NECAB1: variants seen among roughly 807,000 people sequenced by gnomAD.
The protein encoded by NECAB1 is N-terminal EF-hand calcium-binding protein 1.
NECAB1 carries 29 observed loss-of-function variants against 57.5 expected under a neutral mutation model. The ratio of observed to expected loss-of-function variants is 0.50; its 90% CI spans 0.38 to 0.69. The LOEUF is 0.69. NECAB1 is among the 30% of genes least tolerant of loss of function. NECAB1 has a pLI of 0.00. For synonymous variants in NECAB1, 142 were observed against 147.7 expected, an observed-to-expected ratio of 0.96 and a Z score of 0.28; for missense variants, 372 against 413.8, an observed-to-expected ratio of 0.90 and a Z score of 0.88.
intron 3 of NECAB1, among the ~76,000 whole-genome samples, chr8:90,851,470 A>G (rs557041056): frequency 1.3e-5 from 2 of 152,318 alleles, no homozygotes; most frequent in South Asian, 4.1e-4. Flanking sequence ...ATTAAGGATC[A>G]TAATTGAATT....
At chr8:90,821,153 G>A (rs1812138340) in intron 2 of NECAB1, among the ~76,000 whole-genome samples, 1 of 151,746 alleles carries the variant, frequency 6.6e-6, no homozygotes, top group Non-Finnish European at 1.5e-5. Context: ...CTAGACCCCT[G>A]TGATTCTACT....
At position 90,839,780 on chromosome 8, in the gene NECAB1, A is replaced by T. The variant is rs548787911; in HGVS notation, c.233+14955A>T. Among the ~76,000 whole-genome samples the T allele has an allele frequency of 3.3e-5, 5 of 152,346 alleles. No individual in the cohort carries two copies. In the South Asian group the frequency reaches 1.0e-3, roughly 32 times the overall value. ...GCTAGAAAAGCCAAGAGGGGACCTA[A>T]CTGTAAAAGGCTTGAGAATCAGTGG... On this transcript the variant is annotated intron_variant, in intron 3 of 12. Transcript: ENST00000417640.
At chr8:90,920,114 C>T (rs527581235) in intron 6 of NECAB1, among the ~76,000 whole-genome samples, 1 of 152,298 alleles carries the variant, frequency 6.6e-6, no homozygotes, top group African/African-American at 2.4e-5. Context: ...GGATTTCTCA[C>T]TCAAAAACAG....
chr8:90,900,528 C>T (rs531050367), intron 5 of NECAB1, among the ~76,000 whole-genome samples: 1 of 152,234 alleles, frequency 6.6e-6, no homozygotes, highest in East Asian at 1.9e-4. Flanking sequence ...AATGGCAAAG[C>T]CCATAACCCA....
At chr8:90,839,002 T>G (rs573533413) in intron 3 of NECAB1, among the ~76,000 whole-genome samples, 1 of 152,356 alleles carries the variant, frequency 6.6e-6, no homozygotes, top group African/African-American at 2.4e-5. Flanking sequence ...AAAATGTTAT[T>G]GCATATTGCC....
At chr8:90,950,042 G>A (rs1810893557) in intron 11 of NECAB1, among the ~76,000 whole-genome samples, 158 bp downstream of exon 11, 1 of 152,120 alleles carries the variant, frequency 6.6e-6, no homozygotes, top group Admixed American at 6.5e-5. Context: ...TTTAAAAAAT[G>A]TATTTAATAG....
At chr8:90,901,275 T>C (rs1809497144) in intron 5 of NECAB1, among the ~76,000 whole-genome samples, 1 of 152,068 alleles carries the variant, frequency 6.6e-6, no homozygotes, top group Non-Finnish European at 1.5e-5. Context: ...TTATGCTGCC[T>C]TTTTGCTACT....
intron 9 of NECAB1, among the ~76,000 whole-genome samples, chr8:90,938,900 T>A (rs909002900): frequency 3.3e-5 from 5 of 152,240 alleles, no homozygotes; most frequent in Admixed American, 3.3e-4. Context: ...CTGGTTCTTA[T>A]GGTCTCACAT....
At chr8:90,862,735 A>G (rs890968206) in intron 3 of NECAB1, among the ~76,000 whole-genome samples, 1 of 151,082 alleles carries the variant, frequency 6.6e-6, no homozygotes, top group African/African-American at 2.4e-5. Context: ...TAATAAGTAG[A>G]TTGGAAGAAA....
chr8:90,848,569 T>G (rs140949315), intron 3 of NECAB1, among the ~76,000 whole-genome samples: 3,039 of 152,292 alleles, frequency 0.02, 58 homozygotes, highest in Middle Eastern at 0.054. Context: ...AGGTTTAATG[T>G]ACTCACAGTT....
chr8:90,852,394 T>C (rs183665446), intron 3 of NECAB1, among the ~76,000 whole-genome samples: 6 of 124,630 alleles, frequency 4.8e-5, no homozygotes, highest in Admixed American at 3.4e-4. Flanking sequence ...CATCATAATA[T>C]TTTGTACATA....
At chr8:90,947,613 C>A (rs1810842703) in intron 10 of NECAB1, among the ~76,000 whole-genome samples, 2 of 152,154 alleles carry the variant, frequency 1.3e-5, no homozygotes, top group Non-Finnish European at 2.9e-5. Context: ...GTTGGCCAGG[C>A]TGGCCTTGAA....
chr8:90,925,094 G>A lies in NECAB1; in HGVS notation c.495-441G>A, dbSNP rs550310086. Among the ~76,000 whole-genome samples, 53 of 152,118 alleles carry A rather than the reference G, an allele frequency of 3.5e-4. No homozygotes were observed. In the South Asian group the frequency reaches 0.01, roughly 30 times the overall value. On this transcript the variant is annotated intron_variant, in intron 6 of 12. Coordinates refer to ENST00000417640, the MANE Select transcript of NECAB1 (RefSeq NM_022351.5). ...TGGGAATATGATATGGGGGTGAAACGAGGGAGCTCCTGTTTGTTGAAATAA... is the reference window on the plus strand; with the variant it reads ...TGGGAATATGATATGGGGGTGAAACAAGGGAGCTCCTGTTTGTTGAAATAA...
chr8:90,922,486 ATTTTT>A (rs577951495), intron 6 of NECAB1, among the ~76,000 whole-genome samples: 10 of 57,514 alleles, frequency 1.7e-4, no homozygotes, highest in East Asian at 9.6e-4. Flanking sequence ...AAAAACTTGG[ATTTTT>A]TTTTTTTTTT....
At chr8:90,884,500 A>T (rs1437905362) in intron 5 of NECAB1, among the ~76,000 whole-genome samples, 1 of 152,186 alleles carries the variant, frequency 6.6e-6, no homozygotes, top group East Asian at 1.9e-4. Flanking sequence ...TGTAGGACTT[A>T]TTATTAAAAT....
At position 90,834,444 on chromosome 8, in the gene NECAB1, T is replaced by C. The variant is rs540969089; in HGVS notation, c.233+9619T>C. On this transcript the variant is annotated intron_variant, in intron 3 of 12. Transcript: ENST00000417640. ...CTCATGAATGGGATGAGTGCCCTTT[T>C]ATAAAAGAGCCCTGAAGGAGCTTGT... Among the ~76,000 whole-genome samples the C allele has an allele frequency of 4.0e-4, 61 of 152,228 alleles. 1 individual carries two copies. In the Middle Eastern group the frequency reaches 0.017, roughly 42 times the overall value.
intron 2 of NECAB1, among the ~76,000 whole-genome samples, chr8:90,823,536 G>C (rs1812179329): frequency 6.6e-6 from 1 of 151,592 alleles, no homozygotes; most frequent in South Asian, 2.1e-4. Context: ...TTCGCTTGTG[G>C]GGCCTAGGAA....
intron 12 of NECAB1, 55 bp from the exon 13 acceptor site, chr8:90,955,432 T>C: frequency 1.5e-6 from 2 of 1,343,824 alleles, no homozygotes; most frequent in Non-Finnish European, 2.1e-6. Flanking sequence ...ACCTTGAATG[T>C]TCTTTGCCCT....
At chr8:90,801,325 A>C (rs899774618) in intron 1 of NECAB1, among the ~76,000 whole-genome samples, 2 of 152,214 alleles carry the variant, frequency 1.3e-5, no homozygotes, top group Non-Finnish European at 2.9e-5. Flanking sequence ...TTGCATTTTT[A>C]AGAATTTTAT....
Sources: allele counts gnomAD v4.1 joint callset (sites outside exome capture counted in the v4.1 genomes callset), GRCh38; gene constraint gnomAD v4.1.1; transcripts MANE v1.5; gene names NCBI Gene and HGNC (gene_info 2026-07-23, HGNC 2026-07-21).